DCC: variants seen among roughly 807,000 people sequenced by gnomAD.
DCC encodes the protein DCC netrin 1 receptor.
In DCC, 58 loss-of-function variants were observed where a neutral mutation model predicts 172.5. The ratio of observed to expected loss-of-function variants is 0.34; its 90% CI spans 0.27 to 0.42. The LOEUF (loss-of-function observed/expected upper bound fraction) is 0.42. Among genes scored for constraint, DCC ranks in the 10% least tolerant of loss-of-function variants. The pLI, the probability that DCC is intolerant of heterozygous loss-of-function variation, is 1.00. For missense variants in DCC, 1,740 were observed against 1,791.0 expected, an observed-to-expected ratio of 0.97 and a Z score of 0.51; for synonymous variants, 709 against 644.5, an observed-to-expected ratio of 1.10 and a Z score of -1.52.
chr18:53,420,972 T>C (rs1193839641), intron 21 of DCC, among the ~76,000 whole-genome samples: 1 of 152,194 alleles, frequency 6.6e-6, no homozygotes, highest in East Asian at 1.9e-4. Context: ...GTCTTTCTAC[T>C]GTAAATGGTT....
In DCC at chr18:53,435,250, AT is replaced by A. The variant is rs774291884; in HGVS notation, c.3229+43del. On this transcript the variant is annotated intron_variant, in intron 22 of 28. Transcript: ENST00000442544. ...AGGTAATATTGAATTAGTTATATTA[AT>A]TAAATGGTTAATTCAAGAGTGTCTG... is the stretch of plus-strand genomic sequence containing the variant. The A allele has an allele frequency of 3.0e-6, 4 of 1,321,942 alleles. No individual in the cohort carries two copies. In the South Asian group the frequency reaches 4.7e-5, roughly 16 times the overall value. 81.9% of individuals were successfully genotyped at this position (1,321,942 alleles called of 1,614,324 possible).
chr18:53,310,425 A>C (rs1013358460), intron 13 of DCC, among the ~76,000 whole-genome samples: 9 of 149,934 alleles, frequency 6.0e-5, no homozygotes, highest in African/African-American at 2.2e-4. Context: ...AGGTGTAGAT[A>C]CTCAAATTTT....
At chr18:53,273,896 C>T (rs1273871907) in intron 12 of DCC, among the ~76,000 whole-genome samples, 1 of 152,042 alleles carries the variant, frequency 6.6e-6, no homozygotes, top group African/African-American at 2.4e-5. Flanking sequence ...TACTCCACAG[C>T]CATGTAGAAG....
chr18:53,182,218 C>A (rs1007404467), intron 9 of DCC, among the ~76,000 whole-genome samples: 6 of 152,244 alleles, frequency 3.9e-5, no homozygotes, highest in Non-Finnish European at 8.8e-5. Flanking sequence ...AAGAATCTCT[C>A]TGCTTTAGAA....
In DCC at chr18:52,519,675, A is replaced by G. The variant is rs557055416; in HGVS notation, c.91+178797A>G. On this transcript the variant is annotated intron_variant, in intron 1 of 28. Transcript: ENST00000442544. ...TCTAAATCAGGGTTTTTGCAGGTTTATAAAGTGGAGCCCAGGAGGGATCCA... is the reference window on the plus strand; with the variant it reads ...TCTAAATCAGGGTTTTTGCAGGTTTGTAAAGTGGAGCCCAGGAGGGATCCA... 1.2e-4 allele frequency among the ~76,000 whole-genome samples: 18 copies of G among 152,308 alleles called. 1 individual carries two copies. In the South Asian group the frequency reaches 3.7e-3, roughly 32 times the overall value.
chr18:52,488,655 T>A (rs1481558938), intron 1 of DCC, among the ~76,000 whole-genome samples: 3 of 152,122 alleles, frequency 2.0e-5, no homozygotes, highest in Non-Finnish European at 4.4e-5. Flanking sequence ...TATTCTAAAA[T>A]GCTGTAAAAG....
chr18:53,404,318 C>T (rs1185044147), intron 19 of DCC, among the ~76,000 whole-genome samples: 1 of 151,814 alleles, frequency 6.6e-6, no homozygotes, highest in Admixed American at 6.6e-5. Context: ...ATTCTCCACT[C>T]TTATTTAAGT....
intron 9 of DCC, among the ~76,000 whole-genome samples, chr18:53,183,989 C>G (rs981487711): frequency 7.2e-6 from 1 of 138,376 alleles, no homozygotes; most frequent in South Asian, 2.3e-4. Flanking sequence ...TGGGTCTTGC[C>G]TGGCATCTCA....
At chr18:53,028,121 T>G (rs1205566666) in intron 5 of DCC, among the ~76,000 whole-genome samples, 2 of 152,156 alleles carry the variant, frequency 1.3e-5, no homozygotes, top group Non-Finnish European at 2.9e-5. Flanking sequence ...TTAATAGCAT[T>G]GCAGAAAACA....
chr18:52,786,093 G>A (rs960503748), intron 2 of DCC, among the ~76,000 whole-genome samples: 5 of 152,064 alleles, frequency 3.3e-5, no homozygotes, highest in African/African-American at 1.2e-4. Flanking sequence ...CAAGTGTGGT[G>A]TAGTAGGTAC....
chr18:53,421,937 C>A (rs907769425), intron 21 of DCC, among the ~76,000 whole-genome samples: 1 of 152,006 alleles, frequency 6.6e-6, no homozygotes, highest in Non-Finnish European at 1.5e-5. Flanking sequence ...CTTATAGCAC[C>A]CTTACAGATG....
intron 1 of DCC, among the ~76,000 whole-genome samples, chr18:52,367,453 C>G (rs1470444543): frequency 1.3e-5 from 2 of 152,218 alleles, no homozygotes; most frequent in Non-Finnish European, 2.9e-5. Context: ...ACTGCCAGCA[C>G]GCTGTCACCT....
chr18:52,405,054 G>C (rs932369882), intron 1 of DCC, among the ~76,000 whole-genome samples: 58 of 151,614 alleles, frequency 3.8e-4, no homozygotes, highest in African/African-American at 1.4e-3. Flanking sequence ...TCTTAATCCA[G>C]TCTATCATTG....
At chr18:52,499,289 A>G (rs1403693275) in intron 1 of DCC, among the ~76,000 whole-genome samples, 3 of 152,052 alleles carry the variant, frequency 2.0e-5, no homozygotes, top group Non-Finnish European at 2.9e-5. Flanking sequence ...TTGTTAAATG[A>G]TTACAGGATC....
At chr18:52,551,344 A>G (rs77919381) in intron 1 of DCC, among the ~76,000 whole-genome samples, 7,277 of 152,124 alleles carry the variant, frequency 0.048, 219 homozygotes, top group Non-Finnish European at 0.059. Context: ...AATGAACTTC[A>G]ACTTGACAGT....
At chr18:52,486,674 A>T (rs561779866) in intron 1 of DCC, among the ~76,000 whole-genome samples, 5 of 152,276 alleles carry the variant, frequency 3.3e-5, no homozygotes, top group African/African-American at 1.2e-4. Flanking sequence ...CTCATCGTAA[A>T]GATAGAATAC....
At chr18:52,396,448 A>G (rs1986234405) in intron 1 of DCC, among the ~76,000 whole-genome samples, 1 of 152,022 alleles carries the variant, frequency 6.6e-6, no homozygotes, top group Non-Finnish European at 1.5e-5. Flanking sequence ...TAGCTCCTCC[A>G]AACCTCATTT....
intron 1 of DCC, among the ~76,000 whole-genome samples, chr18:52,614,654 G>T (rs2034343813): frequency 6.6e-6 from 1 of 151,934 alleles, no homozygotes; most frequent in Admixed American, 6.6e-5. Context: ...GGAAAAAATA[G>T]ATAAAAAAGG....
chr18:52,888,241 C>T (rs767987910), intron 2 of DCC, among the ~76,000 whole-genome samples: 2 of 152,192 alleles, frequency 1.3e-5, no homozygotes, highest in Non-Finnish European at 2.9e-5. Flanking sequence ...GCCATTAACA[C>T]CCTGGCCAGA....
Sources: allele counts gnomAD v4.1 joint callset (sites outside exome capture counted in the v4.1 genomes callset), GRCh38; gene constraint gnomAD v4.1.1; transcripts MANE v1.5; gene names NCBI Gene and HGNC (gene_info 2026-07-23, HGNC 2026-07-21).